Variants in LONP2 observed in about 807,000 individuals in gnomAD.
LONP2 encodes the protein lon peptidase 2, peroxisomal.
Under a neutral mutation model 85.6 loss-of-function variants are expected in LONP2, and 60 were observed. The observed-to-expected ratio is 0.70, with a 90% CI of 0.57 to 0.87. LONP2 has a LOEUF of 0.87. Among genes scored for constraint, LONP2 ranks in the 40% least tolerant of loss-of-function variants. The pLI is 0.00. For synonymous variants in LONP2, 395 were observed against 389.7 expected, an observed-to-expected ratio of 1.01 and a Z score of -0.16; for missense variants, 860 against 1,063.5, an observed-to-expected ratio of 0.81 and a Z score of 2.66.
At chr16:48,267,438 T>C (rs1455439266) in intron 6 of LONP2, among the ~76,000 whole-genome samples, 2 of 152,102 alleles carry the variant, frequency 1.3e-5, no homozygotes, top group African/African-American at 4.8e-5. Flanking sequence ...TAGCTGGGAT[T>C]ACAGGCGCTT....
At chr16:48,329,424 T>C (rs529140957) in intron 11 of LONP2, among the ~76,000 whole-genome samples, 80 of 152,312 alleles carry the variant, frequency 5.3e-4, no homozygotes, top group African/African-American at 1.8e-3. Flanking sequence ...TCAACTGTCT[T>C]GGTTTCAGGG....
rs189787677 is a variant in LONP2 at position 48,315,765 on chromosome 16, C to G, written c.1795+12460C>G. Among the ~76,000 whole-genome samples the G allele has an allele frequency of 5.1e-4, 78 of 151,864 alleles. 1 individual carries two copies. The highest frequency in any genetic ancestry group is 2.8e-3 in the Admixed American group (43 of 15,256). ...TTCAAATATTCTTCCCATTTTTTTA[C>G]TCTTCCTTCTGGGATTCTGAGAAGA... On this transcript the variant is annotated intron_variant, in intron 11 of 14. Transcript: ENST00000285737.
chr16:48,274,336 CG>C (rs1332361401), intron 7 of LONP2, among the ~76,000 whole-genome samples: 3 of 151,924 alleles, frequency 2.0e-5, no homozygotes, highest in Non-Finnish European at 4.4e-5. Context: ...GGGGATTTAT[CG>C]TCTATCTCCT....
intron 11 of LONP2, among the ~76,000 whole-genome samples, chr16:48,313,347 G>A (rs910617295): frequency 6.6e-6 from 1 of 151,988 alleles, no homozygotes; most frequent in Non-Finnish European, 1.5e-5. Flanking sequence ...AAGTTCCAGG[G>A]TACATGTGCA....
downstream of LONP2, chr16:48,362,338 A>T (rs1452764782): frequency 6.2e-7 from 1 of 1,614,202 alleles, no homozygotes; most frequent in East Asian, 2.2e-5. This position sits in a 1 kb window ranked among gnomAD's most constrained non-coding sequence, Gnocchi z 4.2. Flanking sequence ...TCATTGTTGG[A>T]TGCAGTTGTG....
intron 11 of LONP2, among the ~76,000 whole-genome samples, chr16:48,329,513 A>G (rs1038771843): frequency 1.4e-4 from 21 of 152,140 alleles, no homozygotes; most frequent in African/African-American, 5.1e-4. Flanking sequence ...TTCTGGGTTT[A>G]TTTTATTAGT....
intron 14 of LONP2, among the ~76,000 whole-genome samples, chr16:48,351,294 T>C (rs530674722): frequency 6.6e-6 from 1 of 152,172 alleles, no homozygotes; most frequent in African/African-American, 2.4e-5. Context: ...CCAATTTACT[T>C]TGACAGCATT....
chr16:48,278,951 T>C (rs1972269998), intron 8 of LONP2, among the ~76,000 whole-genome samples: 1 of 152,168 alleles, frequency 6.6e-6, no homozygotes, highest in Non-Finnish European at 1.5e-5. Context: ...CTGTGCAGAC[T>C]TTCTCAGATT....
chr16:48,287,661 G>T (rs1972475310), intron 8 of LONP2, among the ~76,000 whole-genome samples: 2 of 152,158 alleles, frequency 1.3e-5, no homozygotes, highest in Admixed American at 1.3e-4. Flanking sequence ...CAGCTACTGG[G>T]GTTATGAGGC....
In LONP2 at chr16:48,334,295, G is replaced by T. The variant is rs1333419157; in HGVS notation, c.1875G>T (p.Met625Ile). The change falls in exon 12 of 15, where the codon ATG (methionine) becomes ATT (isoleucine). Residue 625 changes from methionine to isoleucine, a missense_variant. Transcript: ENST00000285737. ...CTGACTTGGCTCTACCACCTGAAAT[G>T]CCGATTTTGATTGATTTCCATGCTC... is the stretch of plus-strand genomic sequence containing the variant. ...DTTDLALPPE[M>I]PILIDFHALK... 1.9e-6 allele frequency: 3 copies of T among 1,614,002 alleles called. No homozygotes were observed. The highest frequency in any genetic ancestry group is 1.1e-5 in the South Asian group (1 of 91,086).
chr16:48,344,082 T>C (rs926122863), intron 12 of LONP2: 16 of 152,224 alleles, frequency 1.1e-4, no homozygotes, highest in Non-Finnish European at 2.4e-4. Context: ...GTCACTTATT[T>C]GCTATAAAAC....
chr16:48,255,404 A>G (rs1248339232), intron 2 of LONP2, among the ~76,000 whole-genome samples: 2 of 152,206 alleles, frequency 1.3e-5, no homozygotes, highest in Non-Finnish European at 2.9e-5. Context: ...AGACACACCT[A>G]TTAGTATATT....
chr16:48,275,075 T>G (rs1160353366), intron 7 of LONP2, among the ~76,000 whole-genome samples: 3 of 152,180 alleles, frequency 2.0e-5, no homozygotes, highest in African/African-American at 7.2e-5. Flanking sequence ...TCTGCTCTTG[T>G]GCTTTTTCCA....
At chr16:48,343,242 G>C (rs1450719623) in intron 12 of LONP2, among the ~76,000 whole-genome samples, 2 of 152,114 alleles carry the variant, frequency 1.3e-5, no homozygotes. Flanking sequence ...CCTCTGATGG[G>C]TCTATACGTG....
chr16:48,252,402 CT>C, intron 2 of LONP2, 37 bp downstream of exon 2: 1 of 1,387,060 alleles, frequency 7.2e-7, no homozygotes, highest in Non-Finnish European at 9.8e-7. Flanking sequence ...ACCCATTTTT[CT>C]TTGGTTCTTT....
At chr16:48,249,797 A>C (rs902655307) in intron 1 of LONP2, among the ~76,000 whole-genome samples, 1 of 152,240 alleles carries the variant, frequency 6.6e-6, no homozygotes, top group South Asian at 2.1e-4. Context: ...TAAGGCATGT[A>C]TACATCTGTA....
At position 48,282,374 on chromosome 16, in the gene LONP2, G is replaced by T. The variant is rs1403763124; in HGVS notation, c.1383+4895G>T. On this transcript the variant is annotated intron_variant, in intron 8 of 14. Transcript: ENST00000285737. ...TGCGGTGAGCTGAGATCGCACCATT[G>T]CACTCCAGCCTGGGTGACAGAGCAA... is the stretch of plus-strand genomic sequence containing the variant. Among the ~76,000 whole-genome samples, 3 of 143,138 alleles carry T rather than the reference G, an allele frequency of 2.1e-5. No individual in the cohort carries two copies. The East Asian group carries it at 6.2e-4, about 29-fold the overall frequency. The allele number at this position is 143,138 out of a possible 152,430, so 93.9% of individuals were successfully genotyped here.
At chr16:48,341,907 G>A (rs1179719555) in intron 12 of LONP2, among the ~76,000 whole-genome samples, 1 of 152,200 alleles carries the variant, frequency 6.6e-6, no homozygotes, top group East Asian at 1.9e-4. Flanking sequence ...GGCCATGCGA[G>A]TAGGTGGGCC....
chr16:48,348,472 A>G (rs1184823499), intron 14 of LONP2, among the ~76,000 whole-genome samples, 182 bp downstream of exon 14: 1 of 145,496 alleles, frequency 6.9e-6, no homozygotes, highest in Admixed American at 6.9e-5. Context: ...AAAACTGACA[A>G]TTTTTCACAT....
Sources: gnomAD v4.1 joint callset for allele counts (sites outside exome capture counted in the v4.1 genomes callset) on GRCh38, gnomAD v4.1.1 for gene constraint, Gnocchi (gnomAD v3.1) non-coding constraint, MANE v1.5 for transcripts, NCBI Gene and HGNC (gene_info 2026-07-23, HGNC 2026-07-21) for gene names.